Variants in CD2AP observed in about 807,000 individuals in gnomAD.
CD2AP encodes the protein CD2-associated protein.
Under a neutral mutation model 85.1 loss-of-function variants are expected in CD2AP, and 46 were observed. The ratio of observed to expected loss-of-function variants is 0.54; its 90% CI spans 0.43 to 0.69. CD2AP has a LOEUF of 0.69. Among genes scored for constraint, CD2AP ranks in the 30% least tolerant of loss-of-function variants. CD2AP has a pLI of 0.00. For synonymous variants in CD2AP, 255 were observed against 252.9 expected (o/e 1.01, Z -0.08); for missense variants, 769 against 729.5 (o/e 1.05, Z -0.62).
chr6:47,537,745 C>T (rs1455094523), intron 3 of CD2AP, among the ~76,000 whole-genome samples: 1 of 151,756 alleles, frequency 6.6e-6, no homozygotes, highest in Admixed American at 6.6e-5. Context: ...CAGTTTGAGC[C>T]TTTCACTTAA....
At chr6:47,582,190 A>G in intron 11 of CD2AP, 125 bp downstream of exon 11, 1 of 678,336 alleles carries the variant, frequency 1.5e-6, no homozygotes, top group African/African-American at 1.8e-5. Flanking sequence ...GTATTTAACA[A>G]TGCTTGGAGT....
At chr6:47,564,512 A>G (rs1767941794) in intron 5 of CD2AP, among the ~76,000 whole-genome samples, 1 of 152,126 alleles carries the variant, frequency 6.6e-6, no homozygotes, top group Non-Finnish European at 1.5e-5. Context: ...ACTGCGCAGA[A>G]TTTTATCTGT....
intron 3 of CD2AP, among the ~76,000 whole-genome samples, chr6:47,540,072 A>G (rs1329811723): frequency 6.6e-6 from 1 of 150,724 alleles, no homozygotes; most frequent in Non-Finnish European, 1.5e-5. Flanking sequence ...GGTCCCAGCT[A>G]CTTGAGAGGC....
At chr6:47,526,668 C>G (rs1766738503) in intron 2 of CD2AP, among the ~76,000 whole-genome samples, 1 of 152,150 alleles carries the variant, frequency 6.6e-6, no homozygotes, top group Non-Finnish European at 1.5e-5. Flanking sequence ...TACAGTTTGT[C>G]TGTCTCCTGA....
chr6:47,515,656 C>T (rs1469818964), intron 2 of CD2AP, among the ~76,000 whole-genome samples: 2 of 152,136 alleles, frequency 1.3e-5, no homozygotes, highest in East Asian at 1.9e-4. Flanking sequence ...CATTCTGTAA[C>T]GTCCTGTGCT....
chr6:47,606,540 AG>A (rs1157661731), intron 14 of CD2AP, among the ~76,000 whole-genome samples: 1 of 152,084 alleles, frequency 6.6e-6, no homozygotes, highest in East Asian at 1.9e-4. Context: ...TGACAAAGAA[AG>A]AACCTGTTTA....
intron 1 of CD2AP, among the ~76,000 whole-genome samples, chr6:47,494,478 T>A (rs1418774074): frequency 6.6e-6 from 1 of 152,122 alleles, no homozygotes; most frequent in African/African-American, 2.4e-5. Flanking sequence ...AGCTGTGGAG[T>A]GGACTTAAAT....
At chr6:47,558,006 C>G (rs1252160152) in intron 5 of CD2AP, among the ~76,000 whole-genome samples, 1 of 152,122 alleles carries the variant, frequency 6.6e-6, no homozygotes, top group African/African-American at 2.4e-5. Context: ...TTTCCTTGAG[C>G]AGTGGTTTGT....
At chr6:47,608,079 G>T (rs769147718) in intron 15 of CD2AP, 51 bp downstream of exon 15, 6 of 1,225,520 alleles carry the variant, frequency 4.9e-6, no homozygotes, top group Non-Finnish European at 7.2e-6. Flanking sequence ...ATTCTTTGTG[G>T]ACATCAAACA....
chr6:47,522,281 G>A (rs532060148), intron 2 of CD2AP, among the ~76,000 whole-genome samples: 2 of 152,262 alleles, frequency 1.3e-5, no homozygotes, highest in East Asian at 3.9e-4. Context: ...GGTTAACAAA[G>A]TATTTTTATT....
intron 5 of CD2AP, among the ~76,000 whole-genome samples, chr6:47,568,804 A>T (rs1385693177): frequency 6.6e-6 from 1 of 152,180 alleles, no homozygotes; most frequent in South Asian, 2.1e-4. Flanking sequence ...GAGAATATAC[A>T]GAGTGAAGAA....
At chr6:47,538,516 G>T (rs1767115160) in intron 3 of CD2AP, among the ~76,000 whole-genome samples, 1 of 152,156 alleles carries the variant, frequency 6.6e-6, no homozygotes, top group African/African-American at 2.4e-5. Context: ...AAAGTGCTGG[G>T]ATTACAGGCA....
chr6:47,511,627 G>A (rs1766315232), intron 2 of CD2AP, among the ~76,000 whole-genome samples: 1 of 152,094 alleles, frequency 6.6e-6, no homozygotes, highest in Non-Finnish European at 1.5e-5. Flanking sequence ...TAACTCTTCT[G>A]TAAATCTTTT....
intron 6 of CD2AP, among the ~76,000 whole-genome samples, chr6:47,574,571 T>A (rs1226996109): frequency 2.0e-5 from 3 of 148,530 alleles, no homozygotes; most frequent in Non-Finnish European, 3.0e-5. Context: ...ATATATAAAT[T>A]TAGTTATATA....
rs952984634 is a variant in CD2AP, at chr6:47,625,899, T to C, written c.*1672T>C. On this transcript the variant is annotated 3_prime_UTR_variant, in exon 18 of 18. Coordinates refer to ENST00000359314, the MANE Select transcript of CD2AP (RefSeq NM_012120.3). ...TGGGCTCTTCTAATGAGGTCACTAC[T>C]GAACAAAATTGTTCCCTCTTCTGTT... is the stretch of plus-strand genomic sequence containing the variant. 13 of 151,942 alleles carry C rather than the reference T, an allele frequency of 8.6e-5. No individual in the cohort carries two copies. The highest frequency in any genetic ancestry group is 3.1e-4 in the African/African-American group (13 of 41,440). The allele number at this position is 151,942 out of a possible 1,614,324, so 9.4% of individuals were successfully genotyped here.
chr6:47,533,711 C>A lies in CD2AP; in HGVS notation c.275C>A (p.Ala92Asp), dbSNP rs775171218. 6.2e-7 allele frequency: 1 copy of A among 1,614,096 alleles called. No homozygotes were observed. Among genetic ancestry groups the A allele is most frequent in the South Asian group, 1.1e-5 (1 of 91,080 alleles). ...CGAATAAGCACCTATGGACTTCCAG[C>A]TGGAGGAATTCAGCCACATCCACAA... is the stretch of plus-strand genomic sequence containing the variant. Reference protein sequence around the residue: ...VQRISTYGLPAGGIQPHPQTK... With the variant: ...VQRISTYGLPDGGIQPHPQTK... Residue 92 changes from alanine (A) to aspartate (D), a missense_variant, in exon 3 of 18, where the codon GCT becomes GAT. Ala to Asp is a moderately radical substitution (Grantham distance 126). Transcript: ENST00000359314.
At chr6:47,558,747 C>T (rs1269651859) in intron 5 of CD2AP, among the ~76,000 whole-genome samples, 1 of 152,160 alleles carries the variant, frequency 6.6e-6, no homozygotes, top group African/African-American at 2.4e-5. Flanking sequence ...AGGATTTTCG[C>T]ATTGATGTTC....
intron 1 of CD2AP, among the ~76,000 whole-genome samples, chr6:47,480,925 T>C (rs1765426865): frequency 6.6e-6 from 1 of 152,232 alleles, no homozygotes. Context: ...GTAAGAGCTT[T>C]AGTTGCTTAG....
intron 12 of CD2AP, among the ~76,000 whole-genome samples, chr6:47,598,210 C>A (rs769973989): frequency 2.0e-5 from 3 of 151,040 alleles, no homozygotes; most frequent in Non-Finnish European, 4.5e-5. Flanking sequence ...TACCACCTCA[C>A]TTCTGCAAGA....
Sources: gnomAD v4.1 joint callset for allele counts (sites outside exome capture counted in the v4.1 genomes callset) on GRCh38, gnomAD v4.1.1 for gene constraint, MANE v1.5 for transcripts, NCBI Gene and HGNC (gene_info 2026-07-23, HGNC 2026-07-21) for gene names.